ESPN: variants seen among roughly 807,000 people sequenced by gnomAD.
ESPN encodes the protein autosomal recessive deafness type 36 protein.
In ESPN, 68 loss-of-function variants were observed where a neutral mutation model predicts 77.7. That is an observed-to-expected ratio of 0.87 (90% CI 0.72 to 1.07). The LOEUF is 1.07. ESPN is among the 50% of genes least tolerant of loss of function. The pLI is 0.00. For synonymous variants in ESPN, 449 were observed against 567.1 expected (o/e 0.79, Z 2.96); for missense variants, 1,060 against 1,239.0 (o/e 0.86, Z 2.17).
chr1:6,428,591 C>T lies in ESPN; in HGVS notation c.488+172C>T, dbSNP rs916176904. Among the ~76,000 whole-genome samples the T allele has an allele frequency of 5.9e-5, 9 of 152,180 alleles. No homozygotes were observed. The highest frequency in any genetic ancestry group is 2.2e-4 in the African/African-American group (9 of 41,454). ...GGCTCCCACTCAACATGAAATTTTC[C>T]CCTCCTGGAAAACCCCTTCTGGGGC... is the stretch of plus-strand genomic sequence containing the variant. On this transcript the variant is annotated intron_variant, in intron 2 of 12. Coordinates refer to ENST00000645284, the MANE Select transcript of ESPN (RefSeq NM_031475.3). This position sits in a 1 kb window ranked among gnomAD's most constrained non-coding sequence, Gnocchi z 5.4.
In ESPN at chr1:6,428,119, C is replaced by G; in HGVS notation, c.295-107C>G. On this transcript the variant is annotated intron_variant, in intron 1 of 12. Transcript: ENST00000645284. This position sits in a 1 kb window ranked among gnomAD's most constrained non-coding sequence, Gnocchi z 5.4. Reference sequence around the variant, plus strand: ...GCCTGGCCAATCCCTCCAGGGAAGACAGAGAGCACAGAGCTACCTTCCAGG... The same window carrying G: ...GCCTGGCCAATCCCTCCAGGGAAGAGAGAGAGCACAGAGCTACCTTCCAGG... The G allele has an allele frequency of 1.6e-6, 2 of 1,218,318 alleles. No homozygotes were observed. The highest frequency in any genetic ancestry group is 1.5e-5 in the African/African-American group (1 of 67,300). 75.5% of individuals were successfully genotyped at this position (1,218,318 alleles called of 1,614,324 possible). A position where few individuals can be genotyped will look rare whatever the true frequency, so the allele number is the denominator to read the frequency against.
At chr1:6,456,729 T>G (rs569991553) in intron 10 of ESPN, 271 of 260,498 alleles carry the variant, frequency 1.0e-3, no homozygotes, top group Non-Finnish European at 1.6e-3. Context: ...ACGATTGTAG[T>G]GCCCGTATCC....
At chr1:6,431,328 G>A (rs2148506831) in intron 2 of ESPN, among the ~76,000 whole-genome samples, 1 of 152,356 alleles carries the variant, frequency 6.6e-6, no homozygotes, top group South Asian at 2.1e-4. Context: ...AGTACCTGGG[G>A]CTGGGTACGG....
intron 12 of ESPN, 62 bp downstream of exon 12, chr1:6,457,434 C>T (rs1487096497): frequency 6.2e-7 from 1 of 1,611,286 alleles, no homozygotes; most frequent in Non-Finnish European, 8.5e-7. Context: ...AGAGGGTCGT[C>T]CCTTCATCCA....
chr1:6,455,153 C>G (rs1358265965), intron 10 of ESPN: 1 of 388,496 alleles, frequency 2.6e-6, no homozygotes, highest in Admixed American at 4.5e-5. Flanking sequence ...CCCTGGGCAC[C>G]CTGGGCCCGC....
chr1:6,446,355 A>C (rs1271997489), intron 7 of ESPN, among the ~76,000 whole-genome samples: 1 of 152,064 alleles, frequency 6.6e-6, no homozygotes, highest in Admixed American at 6.5e-5. Flanking sequence ...TGCCAGGTGG[A>C]AGGTGCCAGT....
intron 10 of ESPN, chr1:6,455,005 C>A (rs1179003467): frequency 2.7e-6 from 1 of 375,946 alleles, no homozygotes; most frequent in African/African-American, 2.1e-5. Flanking sequence ...GCGGCGCCCG[C>A]GCGCTGTCCG....
chr1:6,451,277 G>GT lies in ESPN; in HGVS notation c.1916-322dup. ...GGTCAGGTGGCTGATTCCAGGTAGT[G>GT]TTTTGGAGCTGGGCAGTCAGTGGCT... On this transcript the variant is annotated intron_variant, in intron 8 of 12. Coordinates refer to ENST00000645284, the MANE Select transcript of ESPN (RefSeq NM_031475.3). The surrounding 1 kb of genome is among the most constrained non-coding windows in gnomAD (Gnocchi z 4.3). The GT allele has an allele frequency of 2.3e-6, 1 of 434,652 alleles. No homozygotes were observed. Among genetic ancestry groups the GT allele is most frequent in the South Asian group, 2.1e-5 (1 of 47,294 alleles). 26.9% of individuals were successfully genotyped at this position (434,652 alleles called of 1,614,324 possible).
chr1:6,454,938 G>GA (rs1445149773), intron 10 of ESPN: 4 of 384,576 alleles, frequency 1.0e-5, no homozygotes, highest in African/African-American at 2.1e-5. Flanking sequence ...CGAGATCCTC[G>GA]AGTGCGGCGT....
intron 10 of ESPN, chr1:6,455,916 G>A (rs572764686): frequency 1.0e-5 from 4 of 398,956 alleles, no homozygotes; most frequent in South Asian, 2.5e-4. Flanking sequence ...GGAAGAGGAG[G>A]GGAAAGAACA....
intron 2 of ESPN, among the ~76,000 whole-genome samples, chr1:6,435,512 G>C (rs74049571): frequency 0.1 from 15,444 of 152,290 alleles, 900 homozygotes; most frequent in African/African-American, 0.16. Flanking sequence ...AACAAATCAT[G>C]ATTTATATGA....
At chr1:6,425,276 ACT>A in intron 1 of ESPN, 27 bp downstream of exon 1, 3 of 1,563,766 alleles carry the variant, frequency 1.9e-6, no homozygotes, top group Admixed American at 1.8e-5. Context: ...CGCCAGGGGC[ACT>A]GAGGCTTCCT....
At chr1:6,426,535 C>A (rs1643040889) in intron 1 of ESPN, among the ~76,000 whole-genome samples, 1 of 152,178 alleles carries the variant, frequency 6.6e-6, no homozygotes, top group Admixed American at 6.5e-5. Flanking sequence ...GAGAGATAAG[C>A]TGCTTTAGGG....
intron 2 of ESPN, among the ~76,000 whole-genome samples, chr1:6,435,601 C>T (rs12079748): frequency 6.6e-6 from 1 of 152,084 alleles, no homozygotes; most frequent in Non-Finnish European, 1.5e-5. Flanking sequence ...GGTCTGGGAG[C>T]ACTTTTCTGC....
intron 2 of ESPN, among the ~76,000 whole-genome samples, chr1:6,429,065 A>T (rs527353269): frequency 9.5e-4 from 135 of 141,452 alleles, no homozygotes; most frequent in South Asian, 2.8e-3. Flanking sequence ...GTGGGGGGTC[A>T]CACAGAGCAG....
intron 12 of ESPN, 113 bp downstream of exon 12, chr1:6,457,485 G>T: frequency 7.8e-7 from 1 of 1,289,690 alleles, no homozygotes; most frequent in Non-Finnish European, 1.1e-6. Context: ...GGCCCTTGTA[G>T]CACAGCCTCC....
chr1:6,456,005 G>A, intron 10 of ESPN: 2 of 398,066 alleles, frequency 5.0e-6, no homozygotes, highest in Non-Finnish European at 8.9e-6. Flanking sequence ...CCCCTGCGCC[G>A]CAGCCGCCGC....
Position 6,448,772 on chromosome 1 carries a change from C to G in ESPN, c.1596C>G (p.Ala532=). 1 of 1,445,404 alleles carries G rather than the reference C, an allele frequency of 6.9e-7. No homozygotes were observed. The highest frequency in any genetic ancestry group is 9.1e-7 in the Non-Finnish European group (1 of 1,103,070). The allele number at this position is 1,445,404 out of a possible 1,614,324, so 89.5% of individuals were successfully genotyped here. The change falls in exon 8 of 13, where the codon GCC becomes GCG. Residue 532 remains alanine (A), a synonymous_variant. Transcript: ENST00000645284. ...GCCGCTGCCCCGGCGAGACGCTGGC[C>G]GCACGCCCGGGCATGGCGCACAGCG... ...QLGRCPGETL[A]ARPGMAHSEE...
chr1:6,444,559 C>A lies in ESPN; in HGVS notation c.1069C>A (p.Pro357Thr). The change falls in exon 6 of 13, where the codon CCC (proline) becomes ACC (threonine). Residue 357 changes from proline (P) to threonine (T), a missense_variant. Physicochemically the swap from Pro to Thr is conservative, Grantham distance 38 (BLOSUM62 -1). This residue lies in a region of ESPN where 556 missense variants were observed against 633.6 expected (regional missense o/e 0.88). Transcript: ENST00000645284. ...AKQPDSGMSS[P>T]NTTVSVQPLN... ...GCAGCCGGATTCAGGCATGTCCTCA[C>A]CCAATACCACGGTGTCGGTCCAGCC... 1.2e-6 allele frequency: 2 copies of A among 1,614,242 alleles called. No individual in the cohort carries two copies. The highest frequency in any genetic ancestry group is 1.7e-6 in the Non-Finnish European group (2 of 1,180,042).
Sources: gnomAD v4.1 joint callset for allele counts (sites outside exome capture counted in the v4.1 genomes callset) on GRCh38, gnomAD v4.1.1 for gene constraint, gnomAD v4.1.1 regional missense constraint, Gnocchi (gnomAD v3.1) non-coding constraint, MANE v1.5 for transcripts, NCBI Gene and HGNC (gene_info 2026-07-23, HGNC 2026-07-21) for gene names.